Variants in YWHAZ observed in about 807,000 individuals in gnomAD.
YWHAZ encodes the protein 14-3-3 protein zeta/delta.
For synonymous variants in YWHAZ, 87 were observed against 103.6 expected (o/e 0.84, Z 0.97); for missense variants, 79 against 284.8 (o/e 0.28, Z 5.20).
chr8:100,951,998 A>AGCG lies in YWHAZ; in HGVS notation c.-84_-82dup, dbSNP rs765694292. ...GTCTCTGGGCGGCGGCGGCGGCAGC[A>AGCG]GCGGCGAGGCTGAGACTCTGTCCCT... On this transcript the variant is annotated 5_prime_UTR_variant, in exon 1 of 6. Coordinates refer to ENST00000395958, the MANE Select transcript of YWHAZ (RefSeq NM_145690.3). 0.014 allele frequency: 13,757 copies of AGCG among 1,003,836 alleles called. 102 individuals are homozygous for AGCG. Among genetic ancestry groups the AGCG allele is most frequent in the Middle Eastern group, 0.02 (40 of 1,984 alleles). The allele number at this position is 1,003,836 out of a possible 1,614,324, so 62.2% of individuals were successfully genotyped here.
chr8:100,932,659 T>TAGGTCTGAATACCC (rs1813837647), intron 2 of YWHAZ, among the ~76,000 whole-genome samples: 1 of 152,202 alleles, frequency 6.6e-6, no homozygotes. Flanking sequence ...GTCGAATACC[T>TAGGTCTGAATACCC]AGGTCTGAAT....
In YWHAZ at chr8:100,926,578, C is replaced by T. The variant is rs535878959; in HGVS notation, c.295-1539G>A. ...AGGCTGCAGTGAGCCGAGGTTGCAC[C>T]ACTGCACTGCAGCCTGGATGACAGA... On this transcript the variant is annotated intron_variant, in intron 2 of 5. Coordinates refer to ENST00000395958, the MANE Select transcript of YWHAZ (RefSeq NM_145690.3). Among the ~76,000 whole-genome samples, 8 of 152,254 alleles carry T rather than the reference C, an allele frequency of 5.3e-5. No homozygotes were observed. In the South Asian group the frequency reaches 1.7e-3, roughly 32 times the overall value.
chr8:100,936,909 A>C (rs1205301238), intron 2 of YWHAZ, among the ~76,000 whole-genome samples: 2 of 152,218 alleles, frequency 1.3e-5, no homozygotes, highest in Admixed American at 6.5e-5. Flanking sequence ...AAATCATTAG[A>C]GGCAAAGACT....
chr8:100,949,002 C>T, intron 1 of YWHAZ, 102 bp from the exon 2 acceptor site: 2 of 1,325,978 alleles, frequency 1.5e-6, no homozygotes, highest in Non-Finnish European at 2.0e-6. Flanking sequence ...TGAAACCTAA[C>T]TGCCTGTGAA....
At chr8:100,951,060 C>G in intron 1 of YWHAZ, 1 of 405,020 alleles carries the variant, frequency 2.5e-6, no homozygotes, top group Non-Finnish European at 3.3e-6. Context: ...CCCGCCCGTT[C>G]ACAAGGAGCA....
Position 100,951,979 on chromosome 8 carries a change from GGGCGGCGGC to G in YWHAZ, c.-71_-63del. ...CGGACGGACGGGCTCAGCAGTCTCT[GGGCGGCGGC>G]GGCGGCAGCAGCGGCGAGGCTGAGA... On this transcript the variant is annotated 5_prime_UTR_variant, in exon 1 of 6. Coordinates refer to ENST00000395958, the MANE Select transcript of YWHAZ (RefSeq NM_145690.3). 1.0e-6 allele frequency: 1 copy of G among 1,004,268 alleles called. No individual in the cohort carries two copies. Among genetic ancestry groups the G allele is most frequent in the Non-Finnish European group, 1.2e-6 (1 of 843,022 alleles). The allele number at this position is 1,004,268 out of a possible 1,614,324, so 62.2% of individuals were successfully genotyped here.
rs902367819 is a variant in YWHAZ, at chr8:100,948,279, G to C, written c.294+317C>G. On this transcript the variant is annotated intron_variant, in intron 2 of 5. Coordinates refer to ENST00000395958, the MANE Select transcript of YWHAZ (RefSeq NM_145690.3). The surrounding 1 kb of genome is among the most constrained non-coding windows in gnomAD (Gnocchi z 4.2). ...TACATTTAAGATAACCAGCTATAGA[G>C]CTACTACAAATATTCTAACCATAAG... 8.4e-5 allele frequency: 61 copies of C among 721,966 alleles called. No homozygotes were observed. Among genetic ancestry groups the C allele is most frequent in the Admixed American group, 7.0e-4 (20 of 28,480 alleles). 44.7% of individuals were successfully genotyped at this position (721,966 alleles called of 1,614,324 possible).
At chr8:100,952,174 T>C (rs1047585777), upstream of YWHAZ, 1 of 984,248 alleles carries the variant, frequency 1.0e-6, no homozygotes. Flanking sequence ...GGGCCCCGCG[T>C]AACCGCCGCT....
rs1812860870 is a variant in YWHAZ, at chr8:100,919,217, T to C, written c.*1476A>G. On this transcript the variant is annotated 3_prime_UTR_variant, in exon 6 of 6. Coordinates refer to ENST00000395958, the MANE Select transcript of YWHAZ (RefSeq NM_145690.3). ...AAGACAGAAGGCTAAAACAGGAAGG[T>C]AATCTTGTGCACCTGACAAATAGAA... The C allele has an allele frequency of 6.6e-6, 1 of 152,522 alleles. No homozygotes were observed. The highest frequency in any genetic ancestry group is 2.1e-4 in the South Asian group (1 of 4,830). 9.4% of individuals were successfully genotyped at this position (152,522 alleles called of 1,614,324 possible).
At chr8:100,932,252 A>G (rs980261501) in intron 2 of YWHAZ, among the ~76,000 whole-genome samples, 5 of 152,228 alleles carry the variant, frequency 3.3e-5, no homozygotes, top group Admixed American at 3.3e-4. Flanking sequence ...TGTCAACCAC[A>G]TTAGACTTCA....
At chr8:100,950,543 C>T in intron 1 of YWHAZ, 1 of 985,528 alleles carries the variant, frequency 1.0e-6, no homozygotes, top group Non-Finnish European at 1.2e-6. Context: ...GTCCCCGACT[C>T]TCCTCCTTTG....
upstream of YWHAZ, chr8:100,953,178 G>A (rs1004026706): frequency 7.1e-6 from 7 of 985,604 alleles, no homozygotes; most frequent in Non-Finnish European, 8.4e-6. Context: ...AGTCAGGCGT[G>A]ACCGCACGGA....
At chr8:100,943,229 G>A (rs942582223) in intron 2 of YWHAZ, among the ~76,000 whole-genome samples, 4 of 152,142 alleles carry the variant, frequency 2.6e-5, no homozygotes, top group African/African-American at 7.2e-5. Context: ...AACCTTGAGC[G>A]GTGTTTATTC....
chr8:100,944,445 G>C (rs1002881344), intron 2 of YWHAZ, among the ~76,000 whole-genome samples: 2 of 152,146 alleles, frequency 1.3e-5, no homozygotes, highest in South Asian at 2.1e-4. Context: ...TCACTATTAA[G>C]ATTACTCAAC....
intron 1 of YWHAZ, among the ~76,000 whole-genome samples, chr8:100,949,659 TC>T (rs1278550278): frequency 1.3e-5 from 2 of 152,226 alleles, no homozygotes; most frequent in African/African-American, 4.8e-5. Flanking sequence ...CTAGAATATA[TC>T]ACATTGGAAG....
rs1343376709 is a variant in YWHAZ, at chr8:100,918,432, ATATATATATAT to A, written c.*2250_*2260del. 3.1e-5 allele frequency: 3 copies of A among 97,370 alleles called. No homozygotes were observed. The highest frequency in any genetic ancestry group is 3.4e-4 in the East Asian group (1 of 2,954). The allele number at this position is 97,370 out of a possible 1,614,324, so 6.0% of individuals were successfully genotyped here. A position where few individuals can be genotyped will look rare whatever the true frequency, so the allele number is the denominator to read the frequency against. Reference sequence around the variant, plus strand: ...TTTATATATATATATATATATATATATATATATATATAATTATTTTACCTCCTTGGCTTGGG... The same window carrying A: ...TTTATATATATATATATATATATATAAATTATTTTACCTCCTTGGCTTGGG... On this transcript the variant is annotated 3_prime_UTR_variant, in exon 6 of 6. Coordinates refer to ENST00000395958, the MANE Select transcript of YWHAZ (RefSeq NM_145690.3).
intron 2 of YWHAZ, among the ~76,000 whole-genome samples, chr8:100,944,269 T>C (rs1424252041): frequency 6.6e-6 from 1 of 152,150 alleles, no homozygotes; most frequent in Non-Finnish European, 1.5e-5. Context: ...TAATAATATA[T>C]TCAGACTAAA....
chr8:100,944,669 GTAAGT>G (rs1166823847), intron 2 of YWHAZ, among the ~76,000 whole-genome samples: 1 of 152,176 alleles, frequency 6.6e-6, no homozygotes, highest in African/African-American at 2.4e-5. Flanking sequence ...TTCATGGACT[GTAAGT>G]TAAGAGACCC....
At chr8:100,938,332 CCT>C (rs573030350) in intron 2 of YWHAZ, among the ~76,000 whole-genome samples, 212 of 152,200 alleles carry the variant, frequency 1.4e-3, no homozygotes, top group African/African-American at 4.4e-3. Flanking sequence ...TAGCTGAACC[CCT>C]GAGCTGCAGT....
Sources: allele counts gnomAD v4.1 joint callset (sites outside exome capture counted in the v4.1 genomes callset), GRCh38; gene constraint gnomAD v4.1.1; non-coding constraint Gnocchi (gnomAD v3.1); transcripts MANE v1.5; gene names NCBI Gene and HGNC (gene_info 2026-07-23, HGNC 2026-07-21).